MGA: variants seen among roughly 807,000 people sequenced by gnomAD.
MGA encodes the protein MAX gene-associated protein.
In MGA, 40 loss-of-function variants were observed where a neutral mutation model predicts 261.1. The ratio of observed to expected loss-of-function variants is 0.15; its 90% confidence interval spans 0.12 to 0.20. The LOEUF is 0.20. MGA is among the 10% of genes least tolerant of loss of function. The pLI is 1.00. For synonymous variants in MGA, 1,302 were observed against 1,290.6 expected (o/e 1.01, Z -0.19); for missense variants, 3,397 against 3,630.5 (o/e 0.94, Z 1.65).
intron 9 of MGA, among the ~76,000 whole-genome samples, chr15:41,721,193 C>T (rs2060920144): frequency 6.6e-6 from 1 of 152,124 alleles, no homozygotes; most frequent in East Asian, 1.9e-4. Flanking sequence ...AGAGGCTGGG[C>T]ACGGTGTCTC....
chr15:41,766,373 G>C lies in MGA; in HGVS notation c.8291G>C (p.Arg2764Thr). ...TATAAATGGAAAGAGAGTGAATCAA[G>C]AGGGGAGAGAGTGAAGTCAAAGGAT... Residue 2764 changes from arginine (R) to threonine (T), a missense_variant, in exon 24 of 24, where the codon AGA (arginine) becomes ACA (threonine). By Grantham distance (71) the Arg-to-Thr change is moderately conservative. Transcript: ENST00000219905. 1.2e-6 allele frequency: 2 copies of C among 1,613,928 alleles called. No individual in the cohort carries two copies. Among genetic ancestry groups the C allele is most frequent in the South Asian group, 1.1e-5 (1 of 91,060 alleles).
chr15:41,742,107 C>T (rs1227240289), intron 14 of MGA, among the ~76,000 whole-genome samples: 1 of 151,328 alleles, frequency 6.6e-6, no homozygotes, highest in African/African-American at 2.4e-5. Flanking sequence ...AGCTCAGATG[C>T]TGGGTGTGGT....
At chr15:41,754,230 C>T (rs1477575125) in intron 17 of MGA, among the ~76,000 whole-genome samples, 3 of 152,012 alleles carry the variant, frequency 2.0e-5, no homozygotes, top group Admixed American at 1.3e-4. Flanking sequence ...ATATATATGA[C>T]TTATAGTTCT....
At chr15:41,759,167 T>A (rs1371343417) in intron 19 of MGA, among the ~76,000 whole-genome samples, 1 of 152,126 alleles carries the variant, frequency 6.6e-6, no homozygotes, top group Non-Finnish European at 1.5e-5. Context: ...TGCTAAGGGA[T>A]CAGTAGAACA....
intron 1 of MGA, among the ~76,000 whole-genome samples, chr15:41,638,623 C>T (rs2056757365): frequency 6.6e-6 from 1 of 151,748 alleles, no homozygotes; most frequent in Admixed American, 6.6e-5. Flanking sequence ...ATCCTCCAAC[C>T]TTGGCCTCTC....
intron 9 of MGA, among the ~76,000 whole-genome samples, chr15:41,724,469 A>G (rs2061119673): frequency 2.0e-5 from 3 of 152,224 alleles, no homozygotes; most frequent in South Asian, 4.1e-4. Flanking sequence ...AAATTCAAAT[A>G]TTTGAATGCA....
At position 41,749,781 on chromosome 15, in the gene MGA, A is replaced by G. The variant is rs749199066; in HGVS notation, c.6174A>G (p.Thr2058=). The change falls in exon 17 of 24, where the codon ACA becomes ACG. Residue 2058 remains threonine, a synonymous_variant. Transcript: ENST00000219905. The stretch of plus-strand genomic sequence containing the variant: ...ATTCCTGTATCACTGGGTCACATAC[A>G]GATCAAGATTATAAAGATGTTAATG... 3 of 1,613,878 alleles carry G rather than the reference A, an allele frequency of 1.9e-6. No homozygotes were observed. The highest frequency in any genetic ancestry group is 2.5e-6 in the Non-Finnish European group (3 of 1,179,884).
At chr15:41,765,177 A>T (rs1462297497) in intron 23 of MGA, 115 bp downstream of exon 23, 11 of 1,258,302 alleles carry the variant, frequency 8.7e-6, no homozygotes, top group Non-Finnish European at 1.2e-5. Flanking sequence ...TTCTGTTGGC[A>T]TTTGCCTTGG....
chr15:41,743,456 A>G (rs376665586), intron 15 of MGA, among the ~76,000 whole-genome samples: 16 of 152,364 alleles, frequency 1.1e-4, no homozygotes, highest in African/African-American at 3.4e-4. Flanking sequence ...AACTTGAACA[A>G]TCTTGACTGA....
chr15:41,730,200 G>A (rs966796213), intron 11 of MGA, among the ~76,000 whole-genome samples: 2 of 151,988 alleles, frequency 1.3e-5, no homozygotes, highest in Non-Finnish European at 2.9e-5. Context: ...AGCCACATTT[G>A]CATCCAGCAC....
intron 2 of MGA, among the ~76,000 whole-genome samples, chr15:41,684,017 G>A (rs1178340399): frequency 3.3e-5 from 5 of 152,054 alleles, no homozygotes; most frequent in African/African-American, 9.7e-5. Flanking sequence ...TTTACGGAAG[G>A]CGTTATAATA....
Position 41,749,884 on chromosome 15 carries a change from G to A in MGA, c.6277G>A (p.Ala2093Thr). The A allele has an allele frequency of 1.2e-6, 2 of 1,613,944 alleles. No individual in the cohort carries two copies. Among genetic ancestry groups the A allele is most frequent in the South Asian group, 2.2e-5 (2 of 91,084 alleles). Reference sequence around the variant, plus strand: ...GGAAGTTAGGACCATTTCTGAAAAAGCCAGTAATAAGACAGTCCAAAATTT... The same window carrying A: ...GGAAGTTAGGACCATTTCTGAAAAAACCAGTAATAAGACAGTCCAAAATTT... The change falls in exon 17 of 24, where the codon GCC (alanine) becomes ACC (threonine). Residue 2093 changes from alanine to threonine, a missense_variant. Transcript: ENST00000219905.
At chr15:41,711,791 G>A (rs2060400872) in intron 8 of MGA, among the ~76,000 whole-genome samples, 2 of 152,148 alleles carry the variant, frequency 1.3e-5, no homozygotes, top group African/African-American at 4.8e-5. Context: ...CGCCTCCTGG[G>A]TTCAAGCTAT....
At chr15:41,671,228 G>C (rs560604460) in intron 2 of MGA, among the ~76,000 whole-genome samples, 1 of 152,176 alleles carries the variant, frequency 6.6e-6, no homozygotes, top group African/African-American at 2.4e-5. Flanking sequence ...GGATGAGATG[G>C]GGGGGAGGAT....
intron 9 of MGA, among the ~76,000 whole-genome samples, chr15:41,715,953 A>G (rs2060612032): frequency 6.6e-6 from 1 of 152,234 alleles, no homozygotes; most frequent in South Asian, 2.1e-4. Flanking sequence ...ATAAGCAGGA[A>G]TAGTGCTTAC....
chr15:41,704,508 A>G (rs975538303), intron 5 of MGA, among the ~76,000 whole-genome samples: 16 of 152,296 alleles, frequency 1.1e-4, no homozygotes, highest in Admixed American at 7.2e-4. Context: ...AATACAAAAA[A>G]TTAGCCAAGA....
intron 1 of MGA, among the ~76,000 whole-genome samples, chr15:41,632,350 T>G (rs1041467543): frequency 4.5e-4 from 68 of 152,180 alleles, no homozygotes; most frequent in Non-Finnish European, 2.6e-4. Context: ...AGAGCCAAGA[T>G]TGCAAGTCAT....
Position 41,668,882 on chromosome 15 carries a change from T to A in MGA, c.-13T>A, listed in dbSNP as rs764894969. The stretch of plus-strand genomic sequence containing the variant: ...ATTACAGTTGTCTTACTACTGAGTT[T>A]CCTACTGAAATCATGGAGGAGAAAC... On this transcript the variant is annotated 5_prime_UTR_variant, in exon 2 of 24. Coordinates refer to ENST00000219905, the MANE Select transcript of MGA (RefSeq NM_001164273.2). 1.3e-6 allele frequency: 2 copies of A among 1,534,358 alleles called. No individual in the cohort carries two copies.
intron 9 of MGA, among the ~76,000 whole-genome samples, chr15:41,726,742 A>C (rs2061272041): frequency 7.1e-6 from 1 of 140,704 alleles, no homozygotes; most frequent in Non-Finnish European, 1.6e-5. Context: ...AAAAAAAAAA[A>C]AAATTTTTTT....
Sources: allele counts gnomAD v4.1 joint callset (sites outside exome capture counted in the v4.1 genomes callset), GRCh38; gene constraint gnomAD v4.1.1; transcripts MANE v1.5; gene names NCBI Gene and HGNC (gene_info 2026-07-23, HGNC 2026-07-21).